CDH23: variants seen among roughly 807,000 people sequenced by gnomAD.
The protein encoded by CDH23 is cadherin related 23.
CDH23 carries 189 observed loss-of-function variants against 317.1 expected under a neutral mutation model. The observed-to-expected ratio is 0.60, with a 90% CI of 0.53 to 0.67. CDH23 has a LOEUF of 0.67. CDH23 is among the 30% of genes least tolerant of loss of function. The pLI is 0.00. For missense variants in CDH23, 4,401 were observed against 4,592.4 expected (o/e 0.96, Z 1.20); for synonymous variants, 1,839 against 1,876.8 (o/e 0.98, Z 0.52).
chr10:71,537,355 A>G (rs984236445), intron 6 of CDH23, among the ~76,000 whole-genome samples: 4 of 152,244 alleles, frequency 2.6e-5, no homozygotes, highest in African/African-American at 9.6e-5. Flanking sequence ...GGGATCTGAC[A>G]CGGTGGGGAG....
At position 71,739,686 on chromosome 10, in the gene CDH23, G is replaced by T; in HGVS notation, c.4402G>T (p.Glu1468Ter). 5 of 1,613,346 alleles carry T rather than the reference G, an allele frequency of 3.1e-6. No individual in the cohort carries two copies. Among genetic ancestry groups the T allele is most frequent in the Non-Finnish European group, 4.2e-6 (5 of 1,179,624 alleles). ...LASGNIAGAF[E>*]IVTTNDSIGE... ...CTCTGGCAACATCGCGGGGGCCTTT[G>T]AGATCGTCACCACCAATGACTCCAT... Residue 1468 changes from glutamate to a stop codon, truncating the protein, a stop_gained, in exon 36 of 70, where the codon GAG (glutamate) becomes TAG (stop). Coordinates refer to ENST00000224721, the MANE Select transcript of CDH23 (RefSeq NM_022124.6). LOFTEE classifies it high-confidence loss of function.
chr10:71,525,838 G>C (rs1228446839), intron 6 of CDH23, among the ~76,000 whole-genome samples: 1 of 152,142 alleles, frequency 6.6e-6, no homozygotes, highest in African/African-American at 2.4e-5. Flanking sequence ...TGCTACAGCA[G>C]AGTGGCAGAG....
At position 71,784,909 on chromosome 10, in the gene CDH23, G is replaced by A. The variant is rs778107811; in HGVS notation, c.5521G>A (p.Val1841Met). ...LSSTMLVGIR[V>M]LDINDNDPVL... The stretch of plus-strand genomic sequence containing the variant: ...GGCCCAGATGCTGGTGGGGATCCGG[G>A]TGCTGGACATCAACGACAACGACCC... Residue 1841 changes from valine (V) to methionine (M), a missense_variant, in exon 43 of 70, where the codon GTG (valine) becomes ATG (methionine). Around this residue, in one of 3 missense-constraint regions of CDH23, gnomAD observed 3,068 missense variants for 3,203.3 expected, o/e 0.96. Transcript: ENST00000224721. 3 of 1,613,914 alleles carry A rather than the reference G, an allele frequency of 1.9e-6. No individual in the cohort carries two copies. The highest frequency in any genetic ancestry group is 1.7e-5 in the Admixed American group (1 of 60,008).
At chr10:71,667,359 A>AGAGAGAGAGTGTGTGTGTGTGTGTGTGT in intron 14 of CDH23, among the ~76,000 whole-genome samples, 1 of 112,116 alleles carries the variant, frequency 8.9e-6, no homozygotes, top group South Asian at 3.4e-4. Context: ...AGAGAGAGAG[A>AGAGAGAGAGTGTGTGTGTGTGTGTGTGT]GTGTGTGTGT....
intron 3 of CDH23, among the ~76,000 whole-genome samples, chr10:71,483,675 CT>C (rs1852189457): frequency 6.6e-6 from 1 of 152,218 alleles, no homozygotes. Context: ...TGGGCTCAGC[CT>C]TTTAGGTGCA....
intron 3 of CDH23, among the ~76,000 whole-genome samples, chr10:71,462,294 A>G (rs1851036236): frequency 6.6e-6 from 1 of 152,264 alleles, no homozygotes; most frequent in African/African-American, 2.4e-5. Flanking sequence ...GACGGCCTTC[A>G]TTAAAGACTC....
intron 66 of CDH23, 178 bp from the exon 67 acceptor site, chr10:71,812,302 G>A (rs1841958964): frequency 1.3e-6 from 2 of 1,598,606 alleles, no homozygotes; most frequent in Admixed American, 1.7e-5. Context: ...ATGCGGTCCT[G>A]GTTCCAGCAG....
chr10:71,462,368 A>G (rs1472491669), intron 3 of CDH23, among the ~76,000 whole-genome samples: 1 of 152,248 alleles, frequency 6.6e-6, no homozygotes, highest in Non-Finnish European at 1.5e-5. Context: ...CCCCACCGCC[A>G]TCTGCTTTAG....
intron 1 of CDH23, among the ~76,000 whole-genome samples, chr10:71,421,827 CGT>C (rs138169723): frequency 0.047 from 6,925 of 147,578 alleles, 355 homozygotes; most frequent in African/African-American, 0.12. Flanking sequence ...TGTGAGGAAG[CGT>C]GTGTGTGTGT....
At chr10:71,706,015 C>A (rs2132743246) in intron 25 of CDH23, among the ~76,000 whole-genome samples, 1 of 152,262 alleles carries the variant, frequency 6.6e-6, no homozygotes, top group Non-Finnish European at 1.5e-5. Context: ...TTTCTGTTGC[C>A]AGTTTCAGGA....
chr10:71,716,392 G>A (rs1322109181), intron 28 of CDH23: 1 of 1,424,730 alleles, frequency 7.0e-7, no homozygotes, highest in Non-Finnish European at 9.3e-7. Flanking sequence ...CTGGACCCAG[G>A]GCAGCGGGTA....
At chr10:71,766,973 C>T (rs1404248122) in intron 38 of CDH23, among the ~76,000 whole-genome samples, 1 of 152,246 alleles carries the variant, frequency 6.6e-6, no homozygotes. Flanking sequence ...CTGAAAACAT[C>T]ATTCTTTCAT....
At chr10:71,784,475 C>T in intron 42 of CDH23, 55 bp downstream of exon 42, 1 of 1,580,484 alleles carries the variant, frequency 6.3e-7, no homozygotes, top group Non-Finnish European at 8.6e-7. Context: ...GTACTTGCCA[C>T]AGAGATTCTT....
chr10:71,582,439 T>C (rs1858705815), intron 9 of CDH23, among the ~76,000 whole-genome samples: 1 of 152,228 alleles, frequency 6.6e-6, no homozygotes, highest in African/African-American at 2.4e-5. Flanking sequence ...CTGGGTGAAA[T>C]ACAACATATT....
intron 14 of CDH23, among the ~76,000 whole-genome samples, chr10:71,650,638 G>A (rs966744427): frequency 1.1e-4 from 16 of 152,234 alleles, no homozygotes; most frequent in African/African-American, 3.4e-4. Flanking sequence ...CAAGTCTCAT[G>A]TGCACACGTG....
chr10:71,669,987 C>T (rs527839422), intron 14 of CDH23, among the ~76,000 whole-genome samples: 6 of 134,254 alleles, frequency 4.5e-5, no homozygotes, highest in Non-Finnish European at 9.8e-5. Flanking sequence ...GGTGACAGAG[C>T]GAGACTCCGT....
At chr10:71,425,677 G>T (rs189513898) in intron 1 of CDH23, among the ~76,000 whole-genome samples, 18 of 152,318 alleles carry the variant, frequency 1.2e-4, no homozygotes, top group South Asian at 8.3e-4. Flanking sequence ...GTGCCAGGAG[G>T]AAGCTCTCTC....
chr10:71,710,978 C>A (rs1289957090), intron 27 of CDH23, among the ~76,000 whole-genome samples: 1 of 152,160 alleles, frequency 6.6e-6, no homozygotes, highest in African/African-American at 2.4e-5. Flanking sequence ...GAGACCTGTG[C>A]CGCCGGGTGC....
intron 20 of CDH23, among the ~76,000 whole-genome samples, chr10:71,692,304 G>A (rs746691040): frequency 2.6e-5 from 4 of 152,134 alleles, no homozygotes; most frequent in Admixed American, 6.6e-5. Context: ...TCCCCAGTCG[G>A]GGCTCCAGCT....
Sources: gnomAD v4.1 joint callset for allele counts (sites outside exome capture counted in the v4.1 genomes callset) on GRCh38, gnomAD v4.1.1 for gene constraint, gnomAD v4.1.1 regional missense constraint, MANE v1.5 for transcripts, NCBI Gene and HGNC (gene_info 2026-07-23, HGNC 2026-07-21) for gene names.